The following INPP4B variants were observed in gnomAD, a reference collection of about 807,000 sequenced individuals.
INPP4B encodes the protein inositol polyphosphate 4-phosphatase type II.
A neutral mutation model predicts 122.5 loss-of-function variants in INPP4B; 55 were observed. That is an observed-to-expected ratio of 0.45 (90% confidence interval 0.36 to 0.56). The LOEUF (loss-of-function observed/expected upper bound fraction) is 0.56. Ranked by LOEUF, INPP4B falls within the 20% of genes least tolerant of loss-of-function variation. The probability of loss-of-function intolerance (pLI) is 0.00; values close to 1 mark genes in which losing one functional copy is unlikely to be tolerated. For missense variants in INPP4B, 1,000 were observed against 1,097.7 expected (o/e 0.91, Z 1.26); for synonymous variants, 403 against 388.7 (o/e 1.04, Z -0.43).
chr4:142,331,010 T>C (rs1774257358), intron 7 of INPP4B, among the ~76,000 whole-genome samples: 1 of 152,236 alleles, frequency 6.6e-6, no homozygotes, highest in Non-Finnish European at 1.5e-5. Context: ...GAATTTTTCT[T>C]TGATGCTGTC....
At chr4:142,541,235 C>A (rs1828907968) in intron 2 of INPP4B, among the ~76,000 whole-genome samples, 1 of 152,164 alleles carries the variant, frequency 6.6e-6, no homozygotes, top group African/African-American at 2.4e-5. Context: ...GTAGGTGCCA[C>A]AATTATTACT....
At chr4:142,194,161 TA>T (rs1156614377) in intron 14 of INPP4B, among the ~76,000 whole-genome samples, 2 of 151,952 alleles carry the variant, frequency 1.3e-5, no homozygotes, top group South Asian at 4.1e-4. Context: ...TTTCTTTCAA[TA>T]AAAAAAGTCT....
At chr4:142,501,938 G>A (rs1469749899) in intron 2 of INPP4B, among the ~76,000 whole-genome samples, 4 of 152,170 alleles carry the variant, frequency 2.6e-5, no homozygotes, top group East Asian at 1.9e-4. Flanking sequence ...ACCTCCACCC[G>A]TGAGCATGGA....
At chr4:142,262,899 C>G (rs1283662048) in intron 10 of INPP4B, among the ~76,000 whole-genome samples, 1 of 152,280 alleles carries the variant, frequency 6.6e-6, no homozygotes, top group South Asian at 2.1e-4. Context: ...CTTCAAAGAA[C>G]AGGAGCAACA....
intron 2 of INPP4B, among the ~76,000 whole-genome samples, chr4:142,507,125 T>G (rs893390324): frequency 1.4e-4 from 21 of 152,238 alleles, no homozygotes; most frequent in African/African-American, 4.8e-4. Context: ...TTTTCTTTTG[T>G]GCTCCTATAG....
chr4:142,569,403 G>C (rs1021657753), intron 2 of INPP4B, among the ~76,000 whole-genome samples: 4 of 151,656 alleles, frequency 2.6e-5, no homozygotes, highest in African/African-American at 9.7e-5. Flanking sequence ...CAACCATGTA[G>C]TGCTAAGCAT....
intron 25 of INPP4B, among the ~76,000 whole-genome samples, chr4:142,074,944 C>G (rs2152500227): frequency 6.6e-6 from 1 of 152,154 alleles, no homozygotes; most frequent in Non-Finnish European, 1.5e-5. Context: ...CAGATTCTAC[C>G]TCCTCCAGGA....
chr4:142,293,502 A>T (rs1757323096), intron 9 of INPP4B, among the ~76,000 whole-genome samples: 1 of 152,136 alleles, frequency 6.6e-6, no homozygotes, highest in Non-Finnish European at 1.5e-5. Context: ...CTTCCGTCTT[A>T]TTCTACATAT....
intron 3 of INPP4B, among the ~76,000 whole-genome samples, chr4:142,451,425 A>G (rs1177866193): frequency 6.6e-6 from 1 of 151,388 alleles, no homozygotes; most frequent in Non-Finnish European, 1.5e-5. Flanking sequence ...AATTTTTTGT[A>G]TTTTTGGTAG....
chr4:142,738,645 A>G (rs1043163625), intron 1 of INPP4B, among the ~76,000 whole-genome samples: 3 of 152,036 alleles, frequency 2.0e-5, no homozygotes, highest in Non-Finnish European at 1.5e-5. Context: ...TCTTATAAAC[A>G]TATTAGATTC....
In INPP4B at chr4:142,641,477, T is replaced by C. The variant is rs1750447584; in HGVS notation, c.-191+84362A>G. The stretch of plus-strand genomic sequence containing the variant: ...ATGTTTCCTTTCCTGTGTCCAAGTG[T>C]TCTCATTTTTCAGTTCCCAGCTATC... On this transcript the variant is annotated intron_variant, in intron 2 of 25. Coordinates refer to ENST00000262992, the MANE Select transcript of INPP4B (RefSeq NM_001101669.3). Among the ~76,000 whole-genome samples, 2 of 144,870 alleles carry C rather than the reference T, an allele frequency of 1.4e-5. 1 individual carries two copies. The highest frequency in any genetic ancestry group is 1.4e-4 in the Admixed American group (2 of 14,574).
intron 2 of INPP4B, among the ~76,000 whole-genome samples, chr4:142,621,404 T>G (rs1744904015): frequency 6.6e-6 from 1 of 151,956 alleles, no homozygotes; most frequent in African/African-American, 2.4e-5. Context: ...ACACACCACT[T>G]ATACAGTCCC....
chr4:142,271,450 T>C (rs1197350585), intron 9 of INPP4B, among the ~76,000 whole-genome samples: 2 of 152,204 alleles, frequency 1.3e-5, no homozygotes, highest in African/African-American at 4.8e-5. Flanking sequence ...ATGAGATACC[T>C]ATGTGTCTAT....
intron 1 of INPP4B, among the ~76,000 whole-genome samples, chr4:142,826,209 C>T (rs1462795329): frequency 6.6e-6 from 1 of 152,054 alleles, no homozygotes; most frequent in African/African-American, 2.4e-5. Flanking sequence ...TGTATCTTTT[C>T]CCCAGAATTC....
At chr4:142,317,968 C>A (rs1406824788) in intron 7 of INPP4B, among the ~76,000 whole-genome samples, 1 of 152,108 alleles carries the variant, frequency 6.6e-6, no homozygotes, top group Non-Finnish European at 1.5e-5. Context: ...CTGAAGTATG[C>A]CAGGCAATAG....
In INPP4B at chr4:142,122,030, A is replaced by G. The variant is rs1796755420; in HGVS notation, c.2135+98T>C. ...GGAAAAGAAAAAAAACAAAAGAAAT[A>G]TTCCCAAATCAAACCTGAATTCTCC... On this transcript the variant is annotated intron_variant, in intron 21 of 25. Coordinates refer to ENST00000262992, the MANE Select transcript of INPP4B (RefSeq NM_001101669.3). The G allele has an allele frequency of 5.3e-6, 4 of 752,710 alleles. No individual in the cohort carries two copies. In the African/African-American group the frequency reaches 7.2e-5, roughly 14 times the overall value. The allele number at this position is 752,710 out of a possible 1,614,324, so 46.6% of individuals were successfully genotyped here.
chr4:142,816,789 T>C (rs1003795087), intron 1 of INPP4B, among the ~76,000 whole-genome samples: 4 of 140,454 alleles, frequency 2.8e-5, no homozygotes, highest in African/African-American at 1.1e-4. Flanking sequence ...AAAGTAAAAC[T>C]GTCATTTAAC....
chr4:142,735,583 C>A (rs1017006404), intron 1 of INPP4B, among the ~76,000 whole-genome samples: 1 of 152,088 alleles, frequency 6.6e-6, no homozygotes, highest in African/African-American at 2.4e-5. Flanking sequence ...CCACAGCCAT[C>A]GAGCAAAAGT....
chr4:142,818,214 C>G (rs1006272554), intron 1 of INPP4B, among the ~76,000 whole-genome samples: 1 of 152,112 alleles, frequency 6.6e-6, no homozygotes, highest in Admixed American at 6.6e-5. Flanking sequence ...CTGAGTCCCC[C>G]CTACTCCCCT....
Sources: allele counts gnomAD v4.1 joint callset (sites outside exome capture counted in the v4.1 genomes callset), GRCh38; gene constraint gnomAD v4.1.1; transcripts MANE v1.5; gene names NCBI Gene and HGNC (gene_info 2026-07-23, HGNC 2026-07-21).